YWHAH: variants seen among roughly 807,000 people sequenced by gnomAD.
YWHAH encodes the protein tyrosine 3-monooxygenase/tryptophan 5-monooxygenase activation protein eta.
In YWHAH, 6 loss-of-function variants were observed where a neutral mutation model predicts 22.9. The ratio of observed to expected loss-of-function variants is 0.26; its 90% CI spans 0.14 to 0.52. YWHAH has a LOEUF of 0.52. Ranked by LOEUF, YWHAH falls within the 20% of genes least tolerant of loss-of-function variation. YWHAH has a pLI of 0.97. For synonymous variants in YWHAH, 135 were observed against 124.5 expected, an observed-to-expected ratio of 1.08 and a Z score of -0.56; for missense variants, 173 against 308.6, an observed-to-expected ratio of 0.56 and a Z score of 3.29.
At chr22:31,954,911 G>A (rs554849774) in intron 1 of YWHAH, among the ~76,000 whole-genome samples, 18 of 152,290 alleles carry the variant, frequency 1.2e-4, no homozygotes, top group East Asian at 3.9e-4. Context: ...GAACTTCAGC[G>A]TATCTTTTGG....
At chr22:31,950,382 C>T (rs748479033) in intron 1 of YWHAH, 14 of 779,344 alleles carry the variant, frequency 1.8e-5, no homozygotes, top group East Asian at 1.5e-4. Flanking sequence ...GTGCTCCTCC[C>T]GCCCCTACTC....
At position 31,956,034 on chromosome 22, in the gene YWHAH, C is replaced by G. The variant is rs2093849184; in HGVS notation, c.88-105C>G. ...TATTCTCCAGAGTGACTGACCTGTT[C>G]GTAATTCCGTTCTTGAGAAGGATTG... On this transcript the variant is annotated intron_variant, in intron 1 of 1. Coordinates refer to ENST00000248975, the MANE Select transcript of YWHAH (RefSeq NM_003405.4). The surrounding 1 kb of genome is among the most constrained non-coding windows in gnomAD (Gnocchi z 5.1). 2 of 1,357,766 alleles carry G rather than the reference C, an allele frequency of 1.5e-6. No homozygotes were observed. Among genetic ancestry groups the G allele is most frequent in the Non-Finnish European group, 2.0e-6 (2 of 995,848 alleles). The allele number at this position is 1,357,766 out of a possible 1,614,324, so 84.1% of individuals were successfully genotyped here.
intron 1 of YWHAH, among the ~76,000 whole-genome samples, chr22:31,952,769 C>T (rs2093844991): frequency 6.6e-6 from 1 of 152,176 alleles, no homozygotes; most frequent in Non-Finnish European, 1.5e-5. Context: ...TTTTTGGCAG[C>T]TTATTCCTGA....
At chr22:31,949,517 G>GC (rs946691629) in intron 1 of YWHAH, among the ~76,000 whole-genome samples, 11 of 151,592 alleles carry the variant, frequency 7.3e-5, no homozygotes, top group Middle Eastern at 3.4e-3. Context: ...TTTTGGTGGG[G>GC]GGGGGAGTCA....
intron 1 of YWHAH, among the ~76,000 whole-genome samples, chr22:31,954,612 T>A (rs997846321): frequency 2.0e-5 from 3 of 152,266 alleles, no homozygotes; most frequent in Admixed American, 2.0e-4. Context: ...CAGGCCACGC[T>A]CCCTCTGAAG....
chr22:31,945,733 C>G (rs1027482817), intron 1 of YWHAH: 2 of 1,193,090 alleles, frequency 1.7e-6, no homozygotes, highest in Admixed American at 2.8e-5. Context: ...AGAACAACTG[C>G]GACCACCAAC....
At chr22:31,945,964 C>T (rs1166394778) in intron 1 of YWHAH, among the ~76,000 whole-genome samples, 1 of 152,116 alleles carries the variant, frequency 6.6e-6, no homozygotes, top group South Asian at 2.1e-4. Context: ...AAAAAACTGC[C>T]AATACAAAGG....
intron 1 of YWHAH, among the ~76,000 whole-genome samples, chr22:31,946,770 T>C (rs1052975922): frequency 7.2e-5 from 11 of 152,174 alleles, no homozygotes; most frequent in African/African-American, 2.4e-4. Context: ...GTAAAATGCT[T>C]TCCTGCAGCA....
intron 1 of YWHAH, among the ~76,000 whole-genome samples, chr22:31,955,903 C>T (rs943474042): frequency 1.3e-5 from 2 of 152,132 alleles, no homozygotes; most frequent in Non-Finnish European, 2.9e-5. Context: ...TCTCAAGCCC[C>T]TATGATTTTC....
chr22:31,949,902 A>G (rs62240583), intron 1 of YWHAH, among the ~76,000 whole-genome samples: 1,572 of 151,724 alleles, frequency 0.01, 16 homozygotes, highest in Non-Finnish European at 0.015. Context: ...AAATCCAAGA[A>G]CTCTTCATAA....
intron 1 of YWHAH, among the ~76,000 whole-genome samples, chr22:31,953,791 C>A (rs1431329477): frequency 6.6e-6 from 1 of 152,014 alleles, no homozygotes; most frequent in African/African-American, 2.4e-5. Context: ...TAGCTGTTAG[C>A]CAAAGACCAC....
chr22:31,949,522 G>C (rs544170361), intron 1 of YWHAH, among the ~76,000 whole-genome samples: 1 of 151,032 alleles, frequency 6.6e-6, no homozygotes, highest in Non-Finnish European at 1.5e-5. Flanking sequence ...GTGGGGGGGG[G>C]AGTCATGCTC....
intron 1 of YWHAH, among the ~76,000 whole-genome samples, chr22:31,954,897 GTCAGAAC>G (rs1056029974): frequency 1.3e-5 from 2 of 152,168 alleles, no homozygotes; most frequent in African/African-American, 4.8e-5. Context: ...GGAACCTAGG[GTCAGAAC>G]TTCAGCGTAT....
chr22:31,945,597 A>G lies in YWHAH; in HGVS notation c.87+777A>G, dbSNP rs539387388. The G allele has an allele frequency of 1.5e-5, 20 of 1,303,216 alleles. 1 individual carries two copies. Among genetic ancestry groups the G allele is most frequent in the Middle Eastern group, 2.1e-4 (1 of 4,696 alleles). 80.7% of individuals were successfully genotyped at this position (1,303,216 alleles called of 1,614,324 possible). A position where few individuals can be genotyped will look rare whatever the true frequency, so the allele number is the denominator to read the frequency against. ...AGTCGTGCCCAGCCACACCCTAGCA[A>G]AATACCGTGGGTCACACACCACCTG... On this transcript the variant is annotated intron_variant, in intron 1 of 1. Transcript: ENST00000248975.
At chr22:31,948,052 A>AAT (rs1034987782) in intron 1 of YWHAH, among the ~76,000 whole-genome samples, 9 of 152,158 alleles carry the variant, frequency 5.9e-5, no homozygotes, top group Non-Finnish European at 8.8e-5. Context: ...GTACCTGCAG[A>AAT]ATATATATAT....
At position 31,944,820 on chromosome 22, in the gene YWHAH, G is replaced by A. The variant is rs1393725814; in HGVS notation, c.87G>A (p.Ala29=). 1.4e-6 allele frequency: 2 copies of A among 1,383,440 alleles called. No homozygotes were observed. Among genetic ancestry groups the A allele is most frequent in the Admixed American group, 2.6e-5 (1 of 39,052 alleles). 85.7% of individuals were successfully genotyped at this position (1,383,440 alleles called of 1,614,324 possible). A position where few individuals can be genotyped will look rare whatever the true frequency, so the allele number is the denominator to read the frequency against. Residue 29 remains alanine (A), a splice_region_variant and synonymous_variant, in exon 1 of 2, where the codon GCG becomes GCA. Coordinates refer to ENST00000248975, the MANE Select transcript of YWHAH (RefSeq NM_003405.4). ...ACGACATGGCCTCCGCTATGAAGGC[G>A]GTGAGCGCGCCGGGAGCCCGGGCGG... ...RYDDMASAMK[A]VTELNEPLSN...
chr22:31,947,457 C>A (rs1281564374), intron 1 of YWHAH: 1 of 471,578 alleles, frequency 2.1e-6, no homozygotes, highest in South Asian at 1.5e-5. Flanking sequence ...GTTCCTCATT[C>A]TACCAGCGTC....
At chr22:31,945,136 G>C in intron 1 of YWHAH, 1 of 1,087,948 alleles carries the variant, frequency 9.2e-7, no homozygotes, top group Non-Finnish European at 1.1e-6. Context: ...TGCCCTAGGG[G>C]ACGCGAAGGA....
chr22:31,953,704 A>G (rs1485899300), intron 1 of YWHAH, among the ~76,000 whole-genome samples: 2 of 152,174 alleles, frequency 1.3e-5, no homozygotes, highest in East Asian at 3.8e-4. Flanking sequence ...GGAGACTACT[A>G]ATGAATATGT....
Sources: allele counts gnomAD v4.1 joint callset (sites outside exome capture counted in the v4.1 genomes callset), GRCh38; gene constraint gnomAD v4.1.1; non-coding constraint Gnocchi (gnomAD v3.1); transcripts MANE v1.5; gene names NCBI Gene and HGNC (gene_info 2026-07-23, HGNC 2026-07-21).